KCNMA1: variants seen among roughly 807,000 people sequenced by gnomAD.
The protein encoded by KCNMA1 is potassium calcium-activated channel subfamily M alpha 1.
In KCNMA1, 29 loss-of-function variants were observed where a neutral mutation model predicts 140.0. The observed-to-expected ratio is 0.21, with a 90% confidence interval of 0.15 to 0.28. The LOEUF is 0.28. Ranked by LOEUF, KCNMA1 falls within the 10% of genes least tolerant of loss-of-function variation. The pLI, the probability that KCNMA1 is intolerant of heterozygous loss-of-function variation, is 1.00. For synonymous variants in KCNMA1, 612 were observed against 611.9 expected, an observed-to-expected ratio of 1.00 and a Z score of 0.00; for missense variants, 880 against 1,602.2, an observed-to-expected ratio of 0.55 and a Z score of 7.70.
chr10:77,518,237 A>G (rs1036643367), intron 1 of KCNMA1, among the ~76,000 whole-genome samples: 2 of 152,140 alleles, frequency 1.3e-5, no homozygotes, highest in African/African-American at 2.4e-5. Flanking sequence ...ACCAGTTCTC[A>G]TTATCTGAAG....
In KCNMA1 at chr10:77,169,278, G is replaced by T. The variant is rs569790421; in HGVS notation, c.808+14143C>A. Reference sequence around the variant, plus strand: ...TAAGTAGGCTGGCTAGAGTGAAAATGGGAGAAATTCACAAAAATGCAAACA... The same window carrying T: ...TAAGTAGGCTGGCTAGAGTGAAAATTGGAGAAATTCACAAAAATGCAAACA... On this transcript the variant is annotated intron_variant, in intron 5 of 27. Coordinates refer to ENST00000286628, the MANE Select transcript of KCNMA1 (RefSeq NM_001161352.2). Among the ~76,000 whole-genome samples the T allele has an allele frequency of 2.6e-5, 4 of 152,292 alleles. No individual in the cohort carries two copies. In the East Asian group the frequency reaches 5.8e-4, roughly 22 times the overall value.
intron 1 of KCNMA1, chr10:77,636,538 C>T (rs1296926476): frequency 2.6e-6 from 4 of 1,536,148 alleles, no homozygotes; most frequent in South Asian, 2.4e-5. Flanking sequence ...GAACAGAGGC[C>T]GAAGAACTTG....
At chr10:77,364,018 A>G (rs1033456979) in intron 2 of KCNMA1, among the ~76,000 whole-genome samples, 1 of 152,208 alleles carries the variant, frequency 6.6e-6, no homozygotes, top group African/African-American at 2.4e-5. Flanking sequence ...AGTTTGCACA[A>G]TGCCTGACAC....
At chr10:77,636,637 T>C in intron 1 of KCNMA1, 1 of 1,535,936 alleles carries the variant, frequency 6.5e-7, no homozygotes, top group East Asian at 2.4e-5. Flanking sequence ...GGCAGCCCCG[T>C]GGGCTACCCC....
chr10:76,997,740 T>C (rs1565443323), intron 19 of KCNMA1, among the ~76,000 whole-genome samples: 1 of 152,208 alleles, frequency 6.6e-6, no homozygotes, highest in Non-Finnish European at 1.5e-5. Flanking sequence ...CATTCATTTT[T>C]TACATTTAAT....
chr10:77,306,834 C>A (rs1241477110), intron 2 of KCNMA1, among the ~76,000 whole-genome samples: 1 of 152,168 alleles, frequency 6.6e-6, no homozygotes, highest in Non-Finnish European at 1.5e-5. Flanking sequence ...TCAGACCCAG[C>A]TTACGCAAAA....
intron 5 of KCNMA1, among the ~76,000 whole-genome samples, chr10:77,167,992 G>A (rs1050502794): frequency 3.3e-5 from 5 of 152,152 alleles, no homozygotes; most frequent in Middle Eastern, 3.4e-3. Flanking sequence ...TGAGGCCCTC[G>A]CTTTCAGGGT....
rs373875378 is a variant in KCNMA1 at position 77,422,326 on chromosome 10, A to G, written c.379-18303T>C. Among the ~76,000 whole-genome samples the G allele has an allele frequency of 2.8e-4, 43 of 152,318 alleles. 1 individual carries two copies. In the South Asian group the frequency reaches 6.6e-3, roughly 23 times the overall value. On this transcript the variant is annotated intron_variant, in intron 1 of 27. Coordinates refer to ENST00000286628, the MANE Select transcript of KCNMA1 (RefSeq NM_001161352.2). ...AGTAGGCTTAGGTTGGAGCATAAGA[A>G]TTTACATGCCTTACATGTTTCTCAG...
intron 3 of KCNMA1, among the ~76,000 whole-genome samples, chr10:77,188,403 T>C (rs895601921): frequency 6.6e-5 from 10 of 152,158 alleles, no homozygotes; most frequent in Non-Finnish European, 1.0e-4. Flanking sequence ...TCTTAATAAT[T>C]AGAGAATATA....
At chr10:77,099,606 C>G (rs985539456) in intron 9 of KCNMA1, among the ~76,000 whole-genome samples, 1 of 151,506 alleles carries the variant, frequency 6.6e-6, no homozygotes, top group Non-Finnish European at 1.5e-5. Flanking sequence ...CCCAGCTACT[C>G]GAGGGGCTGA....
Position 77,420,617 on chromosome 10 carries a change from T to C in KCNMA1, c.379-16594A>G, listed in dbSNP as rs1015218680. Reference sequence around the variant, plus strand: ...TCAGGAGCCAGGGCTTATTAATTCTTATATTTCATAGCATCTAGCACTGGG... The same window carrying C: ...TCAGGAGCCAGGGCTTATTAATTCTCATATTTCATAGCATCTAGCACTGGG... On this transcript the variant is annotated intron_variant, in intron 1 of 27. Coordinates refer to ENST00000286628, the MANE Select transcript of KCNMA1 (RefSeq NM_001161352.2). Among the ~76,000 whole-genome samples, 4 of 152,206 alleles carry C rather than the reference T, an allele frequency of 2.6e-5. 1 individual carries two copies. Among genetic ancestry groups the C allele is most frequent in the South Asian group, 2.1e-4 (1 of 4,832 alleles).
intron 1 of KCNMA1, among the ~76,000 whole-genome samples, chr10:77,531,530 C>T (rs1275904053): frequency 6.6e-6 from 1 of 152,222 alleles, no homozygotes; most frequent in Non-Finnish European, 1.5e-5. Context: ...GTACCACCGA[C>T]CCTGCCAGCG....
Position 77,271,176 on chromosome 10 carries a change from T to C in KCNMA1, c.541-19920A>G, listed in dbSNP as rs183354886. On this transcript the variant is annotated intron_variant, in intron 2 of 27. Transcript: ENST00000286628. Reference sequence around the variant, plus strand: ...TTCCTTCAGTTTTTAGGTTTATATTTTTGTTAATTAAAGTTAAACACAAAT... The same window carrying C: ...TTCCTTCAGTTTTTAGGTTTATATTCTTGTTAATTAAAGTTAAACACAAAT... Among the ~76,000 whole-genome samples, 817 of 152,326 alleles carry C rather than the reference T, an allele frequency of 5.4e-3. 3 individuals are homozygous for C. Among genetic ancestry groups the C allele is most frequent in the African/African-American group, 0.019 (778 of 41,576 alleles).
chr10:76,956,600 C>T (rs556190739), intron 20 of KCNMA1, among the ~76,000 whole-genome samples: 1 of 152,218 alleles, frequency 6.6e-6, no homozygotes, highest in South Asian at 2.1e-4. Context: ...CAATAAGAAT[C>T]CCCTATTCTG....
chr10:76,887,809 T>C (rs2037867790), intron 27 of KCNMA1: 1 of 424,242 alleles, frequency 2.4e-6, no homozygotes, highest in South Asian at 2.4e-5. Context: ...CTATACAAGG[T>C]CAAAGTCACT....
At chr10:77,574,671 A>G (rs1266099155) in intron 1 of KCNMA1, among the ~76,000 whole-genome samples, 1 of 152,232 alleles carries the variant, frequency 6.6e-6, no homozygotes, top group East Asian at 1.9e-4. Context: ...TGAAATGCAG[A>G]GGCTGACCAT....
chr10:77,287,256 C>T (rs956880719), intron 2 of KCNMA1, among the ~76,000 whole-genome samples: 10 of 152,222 alleles, frequency 6.6e-5, no homozygotes, highest in Non-Finnish European at 4.4e-5. Flanking sequence ...GCAACTGCTG[C>T]TGCTTCACAC....
At chr10:77,636,360 GC>G in intron 1 of KCNMA1, 8 of 1,532,610 alleles carry the variant, frequency 5.2e-6, no homozygotes, top group Non-Finnish European at 7.0e-6. Context: ...CAGCCTCAGT[GC>G]CGGTGGGCGT....
chr10:76,975,027 T>C (rs1429260588), intron 19 of KCNMA1, among the ~76,000 whole-genome samples: 1 of 152,130 alleles, frequency 6.6e-6, no homozygotes, highest in African/African-American at 2.4e-5. Context: ...TCAGCCCCCT[T>C]AGTTGTGGTA....
Sources: allele counts gnomAD v4.1 joint callset (sites outside exome capture counted in the v4.1 genomes callset), GRCh38; gene constraint gnomAD v4.1.1; transcripts MANE v1.5; gene names NCBI Gene and HGNC (gene_info 2026-07-23, HGNC 2026-07-21).